DNAH7: variants seen among roughly 807,000 people sequenced by gnomAD.
DNAH7 encodes dynein axonemal heavy chain 7.
Under a neutral mutation model 444.6 loss-of-function variants are expected in DNAH7, and 397 were observed. The observed-to-expected ratio is 0.89, with a 90% confidence interval of 0.82 to 0.97. DNAH7 has a LOEUF of 0.97. Ranked by LOEUF, DNAH7 falls within the 50% of genes least tolerant of loss-of-function variation. The pLI is 0.00. For missense variants in DNAH7, 4,902 were observed against 4,800.8 expected, an observed-to-expected ratio of 1.02 and a Z score of -0.62; for synonymous variants, 1,636 against 1,624.4, an observed-to-expected ratio of 1.01 and a Z score of -0.17.
rs778824466 is a variant in DNAH7, at chr2:195,777,816, A to G, written c.11048T>C (p.Val3683Ala). 1.2e-6 allele frequency: 2 copies of G among 1,612,788 alleles called. No individual in the cohort carries two copies. The highest frequency in any genetic ancestry group is 2.7e-5 in the African/African-American group (2 of 74,912). ...YKFDSSGIYF[V>A]PPSGDHKSYI... is the part of the protein sequence containing the mutation. ...CATACTTACATCACCAGAAGGAGGA[A>G]CAAAATAGATGCCACTTGAGTCGAA... is the stretch of plus-strand genomic sequence containing the variant. Residue 3683 changes from valine to alanine, a missense_variant, in exon 59 of 65, where the codon GTT (valine) becomes GCT (alanine). Val to Ala is a moderately conservative substitution (Grantham distance 64, BLOSUM62 0). Coordinates refer to ENST00000312428, the MANE Select transcript of DNAH7 (RefSeq NM_018897.3).
intron 40 of DNAH7, among the ~76,000 whole-genome samples, chr2:195,869,694 G>A (rs904292537): frequency 6.6e-6 from 1 of 152,018 alleles, no homozygotes; most frequent in Admixed American, 6.5e-5. Context: ...ATAGCCAGGA[G>A]ACCTGTACTG....
At chr2:195,878,208 T>C (rs191328803) in intron 36 of DNAH7, among the ~76,000 whole-genome samples, 3 of 152,336 alleles carry the variant, frequency 2.0e-5, no homozygotes, top group East Asian at 1.9e-4. Flanking sequence ...TGATGTACAA[T>C]GTAAACACTG....
At chr2:196,054,430 G>A (rs975750082) in intron 2 of DNAH7, among the ~76,000 whole-genome samples, 4 of 152,172 alleles carry the variant, frequency 2.6e-5, no homozygotes, top group African/African-American at 9.7e-5. Flanking sequence ...GCTGAGGAGG[G>A]AGGATTGCTT....
At chr2:195,995,343 G>C (rs1429136959) in intron 12 of DNAH7, 1 of 518,456 alleles carries the variant, frequency 1.9e-6, no homozygotes, top group Admixed American at 2.0e-5. Context: ...CCCATGGAGA[G>C]ACTGGCTCAG....
chr2:195,990,728 G>A (rs913438123), intron 12 of DNAH7, among the ~76,000 whole-genome samples: 1 of 150,058 alleles, frequency 6.7e-6, no homozygotes, highest in African/African-American at 2.5e-5. Flanking sequence ...TGGTCTATGT[G>A]TTTGTTTTTA....
rs1698429097 is a variant in DNAH7, at chr2:196,066,330, C to T, written c.15+2367G>A. On this transcript the variant is annotated intron_variant, in intron 1 of 64. Transcript: ENST00000312428. ...AAAGTTATCACCATGCTGTTGGTCT[C>T]ATATCCAACTTTTTTCATTCTTTCC... 2.6e-5 allele frequency among the ~76,000 whole-genome samples: 4 copies of T among 152,358 alleles called. No homozygotes were observed. In the South Asian group the frequency reaches 8.3e-4, roughly 32 times the overall value.
intron 47 of DNAH7, among the ~76,000 whole-genome samples, chr2:195,844,300 A>G (rs1698856535): frequency 6.6e-6 from 1 of 152,174 alleles, no homozygotes. Context: ...TACTGATAGT[A>G]GGAAATATCT....
chr2:195,817,966 G>T, intron 49 of DNAH7, 137 bp from the exon 50 acceptor site: 1 of 580,376 alleles, frequency 1.7e-6, no homozygotes, highest in Non-Finnish European at 2.7e-6. Flanking sequence ...AATTTGTAGA[G>T]ACTATGATTA....
At chr2:195,840,775 A>G (rs1698636156) in intron 47 of DNAH7, among the ~76,000 whole-genome samples, 1 of 151,678 alleles carries the variant, frequency 6.6e-6, no homozygotes, top group South Asian at 2.1e-4. Context: ...ACCACAAAAC[A>G]CTGATGAAAG....
chr2:195,803,127 G>A (rs531274637), intron 54 of DNAH7, among the ~76,000 whole-genome samples: 16 of 152,120 alleles, frequency 1.1e-4, no homozygotes, highest in Middle Eastern at 3.4e-3. Flanking sequence ...GTCTTTTCTC[G>A]ATAGATTTTT....
chr2:196,015,591 G>C (rs181845948), intron 9 of DNAH7, among the ~76,000 whole-genome samples: 1 of 152,190 alleles, frequency 6.6e-6, no homozygotes, highest in East Asian at 1.9e-4. Flanking sequence ...GGCTATCTAT[G>C]ACATTAAGTG....
chr2:195,824,557 T>TA, intron 48 of DNAH7, 112 bp from the exon 49 acceptor site: 1 of 899,726 alleles, frequency 1.1e-6, no homozygotes, highest in Non-Finnish European at 1.6e-6. Flanking sequence ...TGTTCCTAGA[T>TA]ACCTACAAAA....
chr2:195,762,890 C>T (rs1055351146), intron 61 of DNAH7, among the ~76,000 whole-genome samples: 1 of 152,078 alleles, frequency 6.6e-6, no homozygotes, highest in African/African-American at 2.4e-5. Context: ...CTAATAGATA[C>T]TTACAGAACG....
intron 40 of DNAH7, among the ~76,000 whole-genome samples, chr2:195,871,171 AT>A (rs1376953923): frequency 5.3e-5 from 8 of 152,216 alleles, no homozygotes; most frequent in African/African-American, 1.9e-4. Flanking sequence ...ATGTGTGATG[AT>A]TTAGGAATTC....
chr2:195,886,066 C>T lies in DNAH7; in HGVS notation c.5538+75G>A, dbSNP rs924637675. 7 of 1,473,086 alleles carry T rather than the reference C, an allele frequency of 4.8e-6. No homozygotes were observed. In the African/African-American group the frequency reaches 5.8e-5, roughly 12 times the overall value. The allele number at this position is 1,473,086 out of a possible 1,614,324, so 91.3% of individuals were successfully genotyped here. A position where few individuals can be genotyped will look rare whatever the true frequency, so the allele number is the denominator to read the frequency against. ...AACTTCAGGGGCAAAATGAGTTTCA[C>T]AAATTAGGAAGCTTTGGGGAAAGCA... On this transcript the variant is annotated intron_variant, in intron 34 of 64. Coordinates refer to ENST00000312428, the MANE Select transcript of DNAH7 (RefSeq NM_018897.3).
At chr2:195,995,320 T>C (rs1436523847) in intron 12 of DNAH7, 3 of 510,536 alleles carry the variant, frequency 5.9e-6, no homozygotes, top group Non-Finnish European at 1.2e-5. Context: ...TCTGCCTTGT[T>C]CAAATCCAAG....
intron 40 of DNAH7, among the ~76,000 whole-genome samples, chr2:195,870,176 A>C (rs921370382): frequency 6.6e-6 from 1 of 152,192 alleles, no homozygotes; most frequent in African/African-American, 2.4e-5. Flanking sequence ...TGTGCCAGGC[A>C]CTGGGAAAAC....
chr2:195,794,220 C>T, intron 57 of DNAH7, 118 bp downstream of exon 57: 1 of 828,056 alleles, frequency 1.2e-6, no homozygotes, highest in Non-Finnish European at 2.0e-6. Context: ...ACCTACTGCA[C>T]TGCGGTGCAG....
At position 196,025,170 on chromosome 2, in the gene DNAH7, G is replaced by A. The variant is rs1405274573; in HGVS notation, c.668-666C>T. On this transcript the variant is annotated intron_variant, in intron 7 of 64. Transcript: ENST00000312428. Reference sequence around the variant, plus strand: ...TTTGGTATCTGTCAGGGAGGGGAGTGTCCTGGAACCAATCTCCTGTGGATA... The same window carrying A: ...TTTGGTATCTGTCAGGGAGGGGAGTATCCTGGAACCAATCTCCTGTGGATA... Among the ~76,000 whole-genome samples, 3 of 152,070 alleles carry A rather than the reference G, an allele frequency of 2.0e-5. No individual in the cohort carries two copies. The East Asian group carries it at 5.8e-4, about 29-fold the overall frequency.
Sources: allele counts gnomAD v4.1 joint callset (sites outside exome capture counted in the v4.1 genomes callset), GRCh38; gene constraint gnomAD v4.1.1; transcripts MANE v1.5; gene names NCBI Gene and HGNC (gene_info 2026-07-23, HGNC 2026-07-21).